The following GREM2 variants were observed in gnomAD, a reference collection of about 807,000 sequenced individuals.
The protein encoded by GREM2 is gremlin 2, DAN family BMP antagonist.
Under a neutral mutation model 14.2 loss-of-function variants are expected in GREM2, and 11 were observed. The observed-to-expected ratio is 0.78, with a 90% CI of 0.49 to 1.28. GREM2 has a LOEUF of 1.28. Among genes scored for constraint, GREM2 ranks in the 50% most tolerant of loss-of-function variants. The pLI, the probability that GREM2 is intolerant of heterozygous loss-of-function variation, is 0.00. For synonymous variants in GREM2, 98 were observed against 97.6 expected (o/e 1.00, Z -0.02); for missense variants, 210 against 218.5 (o/e 0.96, Z 0.24).
At position 240,492,456 on chromosome 1, in the gene GREM2, AC is replaced by A; in HGVS notation, c.*512del. 5.1e-6 allele frequency: 1 copy of A among 195,948 alleles called. No homozygotes were observed. The highest frequency in any genetic ancestry group is 1.1e-5 in the Non-Finnish European group (1 of 90,444). 12.1% of individuals were successfully genotyped at this position (195,948 alleles called of 1,614,324 possible). On this transcript the variant is annotated 3_prime_UTR_variant, in exon 2 of 2. Coordinates refer to ENST00000318160, the MANE Select transcript of GREM2 (RefSeq NM_022469.4). Reference sequence around the variant, plus strand: ...TGCACATATCCTCATCACAGCAGCGACCGAGGGCAGCCTGCCAGTCACAAGA... The same window carrying A: ...TGCACATATCCTCATCACAGCAGCGACGAGGGCAGCCTGCCAGTCACAAGA...
intron 1 of GREM2, 62 bp from the exon 2 acceptor site, chr1:240,493,538 CTT>C: frequency 7.0e-7 from 1 of 1,435,412 alleles, no homozygotes; most frequent in Non-Finnish European, 9.2e-7. Flanking sequence ...ATCAATCTTA[CTT>C]ATTTTTTTTT....
chr1:240,522,122 A>G (rs1313247458), intron 1 of GREM2, among the ~76,000 whole-genome samples: 1 of 147,928 alleles, frequency 6.8e-6, no homozygotes, highest in Non-Finnish European at 1.5e-5. Context: ...CCTGTCTCCA[A>G]AAAAAAAAAA....
intron 1 of GREM2, among the ~76,000 whole-genome samples, chr1:240,557,511 A>G (rs1678971883): frequency 6.6e-6 from 1 of 152,204 alleles, no homozygotes; most frequent in South Asian, 2.1e-4. Flanking sequence ...GCAGAAGACT[A>G]CAGAGCAAGG....
intron 1 of GREM2, among the ~76,000 whole-genome samples, chr1:240,596,680 AG>A (rs1305085278): frequency 6.6e-6 from 1 of 151,578 alleles, no homozygotes; most frequent in African/African-American, 2.4e-5. Context: ...CTGGGCAACA[AG>A]AAAAAACTCT....
At chr1:240,579,749 G>T (rs1469274086) in intron 1 of GREM2, among the ~76,000 whole-genome samples, 1 of 152,208 alleles carries the variant, frequency 6.6e-6, no homozygotes, top group Non-Finnish European at 1.5e-5. Context: ...GCTTGAAGGC[G>T]TAGCATTTGG....
chr1:240,596,694 CA>C lies in GREM2; in HGVS notation c.-2+15189del, dbSNP rs200180176. ...CCTGGGCAACAAGAAAAAACTCTGT[CA>C]AAAAAAAAAAAACACACAAGGTGAC... On this transcript the variant is annotated intron_variant, in intron 1 of 1. Transcript: ENST00000318160. 7.8e-3 allele frequency among the ~76,000 whole-genome samples: 1,042 copies of C among 133,150 alleles called. 5 individuals are homozygous for C. Among genetic ancestry groups the C allele is most frequent in the Non-Finnish European group, 7.3e-3 (443 of 60,924 alleles). The allele number at this position is 133,150 out of a possible 152,430, so 87.4% of individuals were successfully genotyped here.
At chr1:240,526,527 G>A (rs75224535) in intron 1 of GREM2, among the ~76,000 whole-genome samples, 2,123 of 152,098 alleles carry the variant, frequency 0.014, 18 homozygotes, top group Non-Finnish European at 0.022. Context: ...TGCTAGCCTC[G>A]GTGCCACGGC....
chr1:240,561,319 A>T (rs2103350448), intron 1 of GREM2, among the ~76,000 whole-genome samples: 1 of 152,284 alleles, frequency 6.6e-6, no homozygotes, highest in South Asian at 2.1e-4. Context: ...GTTATTTGGG[A>T]GAAAGATCAC....
chr1:240,509,626 C>G (rs914771100), intron 1 of GREM2, among the ~76,000 whole-genome samples: 3 of 152,022 alleles, frequency 2.0e-5, no homozygotes, highest in African/African-American at 7.2e-5. Flanking sequence ...CCTCAGCCTC[C>G]CAGTGTGCTG....
chr1:240,590,772 C>CTTTTTTTTTTTTTT (rs35975319), intron 1 of GREM2: 1 of 143,654 alleles, frequency 7.0e-6, no homozygotes, highest in African/African-American at 2.6e-5. Flanking sequence ...GTCTCATGAC[C>CTTTTTTTTTTTTTT]TTTTTTTTTT....
chr1:240,517,384 G>T (rs1677977516), intron 1 of GREM2, among the ~76,000 whole-genome samples: 1 of 152,128 alleles, frequency 6.6e-6, no homozygotes, highest in Non-Finnish European at 1.5e-5. Flanking sequence ...TAAATTTTGT[G>T]CAAGGAGTCT....
At chr1:240,550,013 T>C (rs887608125) in intron 1 of GREM2, 5 of 152,306 alleles carry the variant, frequency 3.3e-5, no homozygotes, top group African/African-American at 1.2e-4. Flanking sequence ...GGGGCACCGA[T>C]TGTTTTTATT....
intron 1 of GREM2, among the ~76,000 whole-genome samples, chr1:240,529,837 T>C (rs969014589): frequency 5.9e-5 from 9 of 152,312 alleles, no homozygotes; most frequent in Admixed American, 3.3e-4. Context: ...GTCTAGGACA[T>C]TGACATTTAT....
chr1:240,553,554 A>G (rs1381072979), intron 1 of GREM2, among the ~76,000 whole-genome samples: 2 of 152,164 alleles, frequency 1.3e-5, no homozygotes, highest in Non-Finnish European at 2.9e-5. Flanking sequence ...CCCATTAACA[A>G]TCATAGAGAA....
intron 1 of GREM2, among the ~76,000 whole-genome samples, chr1:240,528,798 C>T (rs1358616834): frequency 6.6e-6 from 1 of 152,228 alleles, no homozygotes; most frequent in East Asian, 1.9e-4. Context: ...GACTTTCTAG[C>T]CTTAGAACAG....
intron 1 of GREM2, among the ~76,000 whole-genome samples, chr1:240,608,533 C>T (rs1680075097): frequency 6.6e-6 from 1 of 152,226 alleles, no homozygotes; most frequent in Admixed American, 6.5e-5. Flanking sequence ...TCAGCCTTTA[C>T]AGTCACACCT....
rs1677283424 is a variant in GREM2, at chr1:240,492,625, A to T, written c.*344T>A. On this transcript the variant is annotated 3_prime_UTR_variant, in exon 2 of 2. Transcript: ENST00000318160. ...GCCAGGGAAATCCTTGCTTTTCCAC[A>T]TGGTGGAAACATCAATGCCGGATTT... The T allele has an allele frequency of 5.8e-6, 1 of 171,594 alleles. No individual in the cohort carries two copies. The allele number at this position is 171,594 out of a possible 1,614,324, so 10.6% of individuals were successfully genotyped here.
intron 1 of GREM2, chr1:240,531,717 T>G: frequency 3.3e-6 from 1 of 306,788 alleles, no homozygotes; most frequent in South Asian, 1.5e-4. Flanking sequence ...TCTTCTTCTT[T>G]TTTTTTTTTT....
intron 1 of GREM2, among the ~76,000 whole-genome samples, chr1:240,608,145 T>C (rs932145772): frequency 1.3e-5 from 2 of 152,224 alleles, no homozygotes; most frequent in Admixed American, 6.5e-5. Context: ...CAGTAAAACT[T>C]GCAGAAGATA....
Sources: gnomAD v4.1 joint callset for allele counts (sites outside exome capture counted in the v4.1 genomes callset) on GRCh38, gnomAD v4.1.1 for gene constraint, MANE v1.5 for transcripts, NCBI Gene and HGNC (gene_info 2026-07-23, HGNC 2026-07-21) for gene names.